Variants in ATG14 observed in about 807,000 individuals in gnomAD.
The protein encoded by ATG14 is beclin 1-associated autophagy-related key regulator.
A neutral mutation model predicts 60.4 loss-of-function variants in ATG14; 35 were observed. The ratio of observed to expected loss-of-function variants is 0.58; its 90% CI spans 0.44 to 0.77. The LOEUF (loss-of-function observed/expected upper bound fraction) is 0.77. ATG14 is among the 30% of genes least tolerant of loss of function. The pLI, the probability that ATG14 is intolerant of heterozygous loss-of-function variation, is 0.00. For synonymous variants in ATG14, 234 were observed against 228.8 expected (o/e 1.02, Z -0.21); for missense variants, 647 against 626.3 (o/e 1.03, Z -0.35).
At chr14:55,411,340 T>C (rs1885568043) in intron 1 of ATG14, among the ~76,000 whole-genome samples, 1 of 152,188 alleles carries the variant, frequency 6.6e-6, no homozygotes, top group African/African-American at 2.4e-5. Flanking sequence ...ACTTATTCCT[T>C]TTTTCCCCAG....
chr14:55,403,512 CA>C (rs1885444329), intron 1 of ATG14, among the ~76,000 whole-genome samples: 2 of 151,410 alleles, frequency 1.3e-5, no homozygotes, highest in Non-Finnish European at 2.9e-5. Context: ...AGTAAATAAA[CA>C]GAAAAATAAA....
chr14:55,393,449 A>G (rs1289111375), intron 3 of ATG14, among the ~76,000 whole-genome samples: 1 of 152,118 alleles, frequency 6.6e-6, no homozygotes, highest in Non-Finnish European at 1.5e-5. Context: ...AAAATTACAC[A>G]TTACAGAAGA....
chr14:55,374,738 T>C (rs1394627475), intron 9 of ATG14, among the ~76,000 whole-genome samples: 1 of 152,198 alleles, frequency 6.6e-6, no homozygotes, highest in Non-Finnish European at 1.5e-5. Context: ...TTCCCCCATA[T>C]GAATACCCAA....
At position 55,397,332 on chromosome 14, in the gene ATG14, G is replaced by C. The variant is rs1329339697; in HGVS notation, c.284+40C>G. On this transcript the variant is annotated intron_variant, in intron 2 of 9. Coordinates refer to ENST00000247178, the MANE Select transcript of ATG14 (RefSeq NM_014924.5). ...ACTGAATTCAACCAAATGTTGACTA[G>C]ATCACCTCCACAAATTAAAAGACAA... The C allele has an allele frequency of 3.9e-6, 6 of 1,545,172 alleles. No homozygotes were observed. In the African/African-American group the frequency reaches 6.8e-5, roughly 17 times the overall value.
At chr14:55,377,696 C>T (rs934341661) in intron 9 of ATG14, 123 bp downstream of exon 9, 38 of 595,406 alleles carry the variant, frequency 6.4e-5, no homozygotes, top group Admixed American at 9.9e-5. Flanking sequence ...GTATTGGACT[C>T]CACTATTTTT....
intron 5 of ATG14, 54 bp from the exon 6 acceptor site, chr14:55,382,245 T>C: frequency 2.7e-5 from 42 of 1,530,242 alleles, no homozygotes; most frequent in Non-Finnish European, 3.7e-5. Flanking sequence ...TTTAAGGGCA[T>C]GCAATATAAC....
Position 55,369,744 on chromosome 14 carries a change from C to A in ATG14, c.1354G>T (p.Glu452Ter). 6.2e-7 allele frequency: 1 copy of A among 1,614,012 alleles called. No homozygotes were observed. The highest frequency in any genetic ancestry group is 8.5e-7 in the Non-Finnish European group (1 of 1,179,922). ...TGGGTGCTCTGACTCTGGGAGACTT[C>A]CACAGACTGGGAAGGGATATCACAA... ...RFCDIPSQSV[E>*]VSQSQSTQAS... The change falls in exon 10 of 10, where the codon GAA becomes TAA. Residue 452 changes from glutamate to a stop codon, truncating the protein, a stop_gained. Coordinates refer to ENST00000247178, the MANE Select transcript of ATG14 (RefSeq NM_014924.5). LOFTEE classifies it high-confidence loss of function.
chr14:55,390,877 T>A, intron 4 of ATG14, 34 bp downstream of exon 4: 1 of 1,456,074 alleles, frequency 6.9e-7, no homozygotes, highest in Non-Finnish European at 9.5e-7. Context: ...ATAGGCACTT[T>A]CTAGGGCTGG....
chr14:55,381,994 C>CA lies in ATG14; in HGVS notation c.844dup (p.Trp282LeufsTer12). ...CTGGGTTGTTTTCTTCTCCTCCACC[C>CA]AGCTGTAGTAGGCAGAGTAGTCCCC... On this transcript the variant is annotated frameshift_variant, in exon 6 of 10. Transcript: ENST00000247178. LOFTEE classifies it high-confidence loss of function. 3 of 1,614,182 alleles carry CA rather than the reference C, an allele frequency of 1.9e-6. No homozygotes were observed. The highest frequency in any genetic ancestry group is 2.5e-6 in the Non-Finnish European group (3 of 1,180,028).
intron 3 of ATG14, among the ~76,000 whole-genome samples, chr14:55,393,332 C>T (rs891910173): frequency 6.6e-6 from 1 of 151,814 alleles, no homozygotes; most frequent in Non-Finnish European, 1.5e-5. Context: ...TTGCAGTGAG[C>T]CGAGATCGCG....
rs1884953528 is a variant in ATG14 at position 55,378,014 on chromosome 14, A to T, written c.1056T>A (p.Asn352Lys). The T allele has an allele frequency of 6.2e-7, 1 of 1,612,774 alleles. No homozygotes were observed. The highest frequency in any genetic ancestry group is 1.3e-5 in the African/African-American group (1 of 75,048). The change falls in exon 8 of 10, where the codon AAT becomes AAA. Residue 352 changes from asparagine to lysine, a missense_variant. By Grantham distance (94) the Asn-to-Lys change is moderately conservative (BLOSUM62 0). Coordinates refer to ENST00000247178, the MANE Select transcript of ATG14 (RefSeq NM_014924.5). ...QKFTRAVKKL[N>K]ANILYLCFSQ... ...AAAAACAAAGGTAAAGAATATTTGC[A>T]TTCAGTTTCTTCACTGCTCGAGTAA...
At position 55,395,210 on chromosome 14, in the gene ATG14, G is replaced by A. The variant is rs149360667; in HGVS notation, c.327+730C>T. The A allele has an allele frequency of 1.4e-3, 532 of 383,596 alleles. 2 individuals are homozygous for A. The highest frequency in any genetic ancestry group is 3.8e-3 in the Middle Eastern group (6 of 1,564). The allele number at this position is 383,596 out of a possible 1,614,324, so 23.8% of individuals were successfully genotyped here. A position where few individuals can be genotyped will look rare whatever the true frequency, so the allele number is the denominator to read the frequency against. ...GCTCTTCCTCTGTGGCCCATTCAGT[G>A]GAGCTGACCTTCCTCTTGGGCATCC... On this transcript the variant is annotated intron_variant, in intron 3 of 9. Transcript: ENST00000247178.
At chr14:55,399,956 C>A (rs1885371435) in intron 1 of ATG14, among the ~76,000 whole-genome samples, 1 of 152,226 alleles carries the variant, frequency 6.6e-6, no homozygotes, top group South Asian at 2.1e-4. Flanking sequence ...CAGATGGCAG[C>A]AGGAATAACA....
chr14:55,386,193 T>A lies in ATG14; in HGVS notation c.410-97A>T, dbSNP rs1038468871. The stretch of plus-strand genomic sequence containing the variant: ...CAAACATGCGTGTTTTCCCTTGCAA[T>A]CTAAACTGAAAGCAAAACCTGAATA... On this transcript the variant is annotated intron_variant, in intron 4 of 9. Coordinates refer to ENST00000247178, the MANE Select transcript of ATG14 (RefSeq NM_014924.5). The A allele has an allele frequency of 2.4e-5, 26 of 1,090,640 alleles. 1 individual carries two copies. Among genetic ancestry groups the A allele is most frequent in the Admixed American group, 7.0e-5 (3 of 42,636 alleles). 67.6% of individuals were successfully genotyped at this position (1,090,640 alleles called of 1,614,324 possible). A position where few individuals can be genotyped will look rare whatever the true frequency, so the allele number is the denominator to read the frequency against.
chr14:55,396,799 C>A (rs1885320812), intron 2 of ATG14, among the ~76,000 whole-genome samples: 1 of 152,054 alleles, frequency 6.6e-6, no homozygotes, highest in East Asian at 1.9e-4. Flanking sequence ...CCTAGGGGGT[C>A]AGAGATTCAT....
At chr14:55,381,905 C>T in intron 6 of ATG14, 57 bp downstream of exon 6, 1 of 1,476,082 alleles carries the variant, frequency 6.8e-7, no homozygotes, top group Non-Finnish European at 9.4e-7. Flanking sequence ...TTTGTTATGT[C>T]AATTTTACCT....
intron 2 of ATG14, 121 bp from the exon 3 acceptor site, chr14:55,396,103 G>A: frequency 1.5e-6 from 1 of 649,364 alleles, no homozygotes; most frequent in Non-Finnish European, 2.4e-6. Context: ...ATCAAAACGG[G>A]ACTTAGCATT....
In ATG14 at chr14:55,411,802, C is replaced by A; in HGVS notation, c.21G>T (p.Lys7Asn). The A allele has an allele frequency of 6.3e-7, 1 of 1,597,620 alleles. No individual in the cohort carries two copies. The highest frequency in any genetic ancestry group is 2.3e-5 in the East Asian group (1 of 44,308). The change falls in exon 1 of 10, where the codon AAG becomes AAT. Residue 7 changes from lysine to asparagine, a missense_variant. By Grantham distance (94) the Lys-to-Asn change is moderately conservative. Coordinates refer to ENST00000247178, the MANE Select transcript of ATG14 (RefSeq NM_014924.5). MASPSGKGARALEAPGC... is the reference protein window; with the variant it reads MASPSGNGARALEAPGC... ...CAGGAGCCTCCAGCGCCCGGGCTCC[C>A]TTCCCACTGGGAGACGCCATGATGG...
chr14:55,376,559 G>C lies in ATG14; in HGVS notation c.1172+1260C>G, dbSNP rs573207446. ...TATGTCCTGGAAATGTTAACTATCT[G>C]AGGTGGGGAGGGGGAGGAAGCATAA... On this transcript the variant is annotated intron_variant, in intron 9 of 9. Coordinates refer to ENST00000247178, the MANE Select transcript of ATG14 (RefSeq NM_014924.5). Among the ~76,000 whole-genome samples the C allele has an allele frequency of 2.7e-4, 41 of 152,290 alleles. 1 individual carries two copies. The highest frequency in any genetic ancestry group is 7.9e-4 in the African/African-American group (33 of 41,562).
Sources: allele counts gnomAD v4.1 joint callset (sites outside exome capture counted in the v4.1 genomes callset), GRCh38; gene constraint gnomAD v4.1.1; transcripts MANE v1.5; gene names NCBI Gene and HGNC (gene_info 2026-07-23, HGNC 2026-07-21).